The following MEIG1 variants were observed in gnomAD, a reference collection of about 807,000 sequenced individuals.
MEIG1 encodes the protein meiosis/spermiogenesis associated 1.
Under a neutral mutation model 11.3 loss-of-function variants are expected in MEIG1, and 12 were observed. The ratio of observed to expected loss-of-function variants is 1.07; its 90% CI spans 0.68 to 1.73. The LOEUF is 1.73. Among genes scored for constraint, MEIG1 ranks in the 40% most tolerant of loss-of-function variants. The pLI, the probability that MEIG1 is intolerant of heterozygous loss-of-function variation, is 0.00. For synonymous variants in MEIG1, 41 were observed against 33.2 expected (o/e 1.24, Z -0.81); for missense variants, 119 against 104.9 (o/e 1.13, Z -0.59).
intron 1 of MEIG1, 25 bp downstream of exon 1, chr10:14,959,582 G>C (rs570997741): frequency 6.6e-6 from 1 of 152,540 alleles, no homozygotes; most frequent in Non-Finnish European, 1.5e-5. Context: ...CGCTGGAGGC[G>C]AGGGCCCTGC....
chr10:14,981,993 A>C (rs1843270367), intron 1 of MEIG1, among the ~76,000 whole-genome samples: 1 of 151,910 alleles, frequency 6.6e-6, no homozygotes, highest in Admixed American at 6.6e-5. Flanking sequence ...CTTTCTCATC[A>C]TTGTGATGTA....
rs1052055603 is a variant in MEIG1 at position 14,961,354 on chromosome 10, G to A, written c.-30+1797G>A. 7.9e-5 allele frequency among the ~76,000 whole-genome samples: 12 copies of A among 152,140 alleles called. No homozygotes were observed. The South Asian group carries it at 2.3e-3, about 29-fold the overall frequency. The stretch of plus-strand genomic sequence containing the variant: ...GGAGATATGAGTTGAACCATTCCAC[G>A]GGACCATCTGTATGCATATAAACCC... On this transcript the variant is annotated intron_variant, in intron 1 of 2. Coordinates refer to ENST00000407572, the MANE Select transcript of MEIG1 (RefSeq NM_001080836.3).
chr10:14,977,539 T>C (rs11499265), downstream of MEIG1, among the ~76,000 whole-genome samples: 231 of 152,030 alleles, frequency 1.5e-3, no homozygotes, highest in African/African-American at 5.2e-3. Context: ...ATATTATTTG[T>C]AATCTTATAG....
At chr10:14,963,716 G>T (rs993847084) in intron 1 of MEIG1, among the ~76,000 whole-genome samples, 1 of 152,142 alleles carries the variant, frequency 6.6e-6, no homozygotes, top group South Asian at 2.1e-4. Flanking sequence ...TGTAATCACA[G>T]CACTTTGGGA....
At chr10:14,962,098 C>T (rs1843021675) in intron 1 of MEIG1, among the ~76,000 whole-genome samples, 1 of 152,070 alleles carries the variant, frequency 6.6e-6, no homozygotes, top group Non-Finnish European at 1.5e-5. Context: ...CCGCTGCATC[C>T]AGCCATTAAA....
At chr10:14,964,365 AT>A (rs1243803606) in intron 1 of MEIG1, among the ~76,000 whole-genome samples, 2 of 151,470 alleles carry the variant, frequency 1.3e-5, no homozygotes, top group East Asian at 3.9e-4. Context: ...TCCATTTCCT[AT>A]TTTTCCTCTA....
chr10:14,958,471 A>G (rs1842973554), upstream of MEIG1, among the ~76,000 whole-genome samples: 1 of 152,188 alleles, frequency 6.6e-6, no homozygotes, highest in Non-Finnish European at 1.5e-5. Flanking sequence ...GCTTGTATTT[A>G]ACAACGAGCT....
intron 1 of MEIG1, among the ~76,000 whole-genome samples, chr10:14,981,497 C>A (rs1323350445): frequency 6.6e-6 from 1 of 152,162 alleles, no homozygotes; most frequent in Non-Finnish European, 1.5e-5. Context: ...ACCCCCGTGG[C>A]TCCGGTGATG....
chr10:14,965,705 AGAGAGAGAGAGG>A (rs761387478), intron 1 of MEIG1, among the ~76,000 whole-genome samples: 8,331 of 37,854 alleles, frequency 0.22, 297 homozygotes, highest in Middle Eastern at 0.31. Context: ...AGAGAGAGAG[AGAGAGAGAGAGG>A]TGCAGCTTTG....
rs778579512 is a variant in MEIG1 at position 14,966,560 on chromosome 10, G to A, written c.92G>A (p.Gly31Glu). The change falls in exon 2 of 3, where the codon GGA (glycine) becomes GAA (glutamate). Residue 31 changes from glycine to glutamate, a missense_variant. Gly to Glu is a moderately conservative substitution (Grantham distance 98). Coordinates refer to ENST00000407572, the MANE Select transcript of MEIG1 (RefSeq NM_001080836.3). ...AATCTGTACAGATTTCAACAAGCAG[G>A]ATATCGGGATGAAACCGAATATAGA... is the stretch of plus-strand genomic sequence containing the variant. ...IENLYRFQQA[G>E]YRDETEYRQV... 3.8e-5 allele frequency: 62 copies of A among 1,612,234 alleles called. No homozygotes were observed. The highest frequency in any genetic ancestry group is 5.0e-5 in the Non-Finnish European group (59 of 1,179,424).
At chr10:14,962,654 G>A (rs1415716484) in intron 1 of MEIG1, among the ~76,000 whole-genome samples, 1 of 152,004 alleles carries the variant, frequency 6.6e-6, no homozygotes, top group African/African-American at 2.4e-5. Flanking sequence ...AGCAAAAAGG[G>A]CATAGATAAG....
intron 1 of MEIG1, among the ~76,000 whole-genome samples, chr10:14,964,564 A>T (rs199607205): frequency 3.8e-5 from 4 of 104,456 alleles, no homozygotes; most frequent in Non-Finnish European, 7.0e-5. Flanking sequence ...TGTATATAAG[A>T]GTGTGTGTGT....
At chr10:14,954,481 CCT>C (rs569522428), upstream of MEIG1, 5 of 268,214 alleles carry the variant, frequency 1.9e-5, no homozygotes, top group South Asian at 4.0e-5. Flanking sequence ...AGTTCCCCGC[CCT>C]CTCTCTTCTG....
At chr10:14,967,635 T>C (rs776121588) in intron 2 of MEIG1, among the ~76,000 whole-genome samples, 16 of 152,004 alleles carry the variant, frequency 1.1e-4, no homozygotes, top group Admixed American at 2.0e-4. Flanking sequence ...TTTTTACAAA[T>C]TCAGTTCACC....
intron 1 of MEIG1, among the ~76,000 whole-genome samples, chr10:14,984,535 A>T (rs546190660): frequency 5.9e-5 from 9 of 152,096 alleles, no homozygotes; most frequent in Non-Finnish European, 1.2e-4. Flanking sequence ...TCTTCTCCTA[A>T]GGGGAGGTTA....
intron 1 of MEIG1, among the ~76,000 whole-genome samples, chr10:14,966,054 G>GTTTTTT (rs1843079039): frequency 9.3e-6 from 1 of 107,912 alleles, no homozygotes; most frequent in Non-Finnish European, 1.9e-5. Flanking sequence ...TTAAGTGTTA[G>GTTTTTT]TTTTATTTAT....
At chr10:14,958,905 A>G (rs936070952), upstream of MEIG1, among the ~76,000 whole-genome samples, 93 of 152,124 alleles carry the variant, frequency 6.1e-4, 5 homozygotes, top group Non-Finnish European at 1.5e-5. Flanking sequence ...AAAAAAAAAC[A>G]AAAACAAAAA....
In MEIG1 at chr10:14,966,529, A is replaced by G. The variant is rs376264582; in HGVS notation, c.61A>G (p.Ile21Val). The G allele has an allele frequency of 6.2e-7, 1 of 1,613,082 alleles. No individual in the cohort carries two copies. Among genetic ancestry groups the G allele is most frequent in the Non-Finnish European group, 8.5e-7 (1 of 1,179,502 alleles). Reference sequence around the variant, plus strand: ...TCATGCCAAAAAATGGTCAGAAGAGATAGAAAATCTGTACAGATTTCAACA... The same window carrying G: ...TCATGCCAAAAAATGGTCAGAAGAGGTAGAAAATCTGTACAGATTTCAACA... Reference protein sequence around the residue: ...VSHAKKWSEEIENLYRFQQAG... With the variant: ...VSHAKKWSEEVENLYRFQQAG... Residue 21 changes from isoleucine to valine, a missense_variant, in exon 2 of 3, where the codon ATA becomes GTA. Physicochemically the swap from Ile to Val is conservative, Grantham distance 29. Transcript: ENST00000407572.
chr10:14,973,674 G>A (rs993156967), downstream of MEIG1, among the ~76,000 whole-genome samples: 21 of 148,218 alleles, frequency 1.4e-4, no homozygotes, highest in African/African-American at 5.2e-4. Context: ...GAAGGCTGAG[G>A]CAGGAGAATG....
Sources: allele counts gnomAD v4.1 joint callset (sites outside exome capture counted in the v4.1 genomes callset), GRCh38; gene constraint gnomAD v4.1.1; transcripts MANE v1.5; gene names NCBI Gene and HGNC (gene_info 2026-07-23, HGNC 2026-07-21).